COL11A1: variants seen among roughly 807,000 people sequenced by gnomAD.
The protein encoded by COL11A1 is collagen type XI alpha 1 chain.
COL11A1 carries 74 observed loss-of-function variants against 265.2 expected under a neutral mutation model. That is an observed-to-expected ratio of 0.28 (90% confidence interval 0.23 to 0.34). The LOEUF (loss-of-function observed/expected upper bound fraction) is 0.34, where lower values mean the gene tolerates loss of function less well. Ranked by LOEUF, COL11A1 falls within the 10% of genes least tolerant of loss-of-function variation. The pLI is 1.00. For synonymous variants in COL11A1, 816 were observed against 727.6 expected, an observed-to-expected ratio of 1.12 and a Z score of -1.96; for missense variants, 2,165 against 2,263.6, an observed-to-expected ratio of 0.96 and a Z score of 0.88.
At chr1:102,967,926 C>T (rs1331648300) in intron 37 of COL11A1, among the ~76,000 whole-genome samples, 2 of 152,136 alleles carry the variant, frequency 1.3e-5, no homozygotes, top group East Asian at 3.9e-4. Flanking sequence ...ACAACATAGA[C>T]TTGCACTCAT....
intron 54 of COL11A1, among the ~76,000 whole-genome samples, chr1:102,906,105 T>C (rs949536523): frequency 6.6e-6 from 1 of 152,080 alleles, no homozygotes; most frequent in Non-Finnish European, 1.5e-5. Context: ...ATCCACTGTT[T>C]GAGATTCTGA....
At position 103,037,142 on chromosome 1, in the gene COL11A1, T is replaced by TATATATA. The variant is rs1553242540; in HGVS notation, c.652-5899_652-5898insTATATAT. On this transcript the variant is annotated intron_variant, in intron 4 of 66. Coordinates refer to ENST00000370096, the MANE Select transcript of COL11A1 (RefSeq NM_001854.4). ...TACTTTGGTTTGCATATATATAATT[T>TATATATA]TATATATATATATATAAAGTCTATA... 3.1e-3 allele frequency among the ~76,000 whole-genome samples: 465 copies of TATATATA among 148,398 alleles called. 2 individuals carry two copies. Among genetic ancestry groups the TATATATA allele is most frequent in the African/African-American group, 0.01 (414 of 40,650 alleles).
intron 54 of COL11A1, among the ~76,000 whole-genome samples, chr1:102,903,325 T>C (rs1653474569): frequency 6.6e-6 from 1 of 152,208 alleles, no homozygotes; most frequent in Admixed American, 6.5e-5. Flanking sequence ...TACAACATTA[T>C]GATCAATATT....
At chr1:102,980,691 T>G (rs770428207) in intron 31 of COL11A1, among the ~76,000 whole-genome samples, 2 of 152,044 alleles carry the variant, frequency 1.3e-5, no homozygotes, top group Non-Finnish European at 2.9e-5. Flanking sequence ...GAAATACCCC[T>G]AAAAATAATG....
intron 1 of COL11A1, among the ~76,000 whole-genome samples, chr1:103,086,809 C>CT (rs35530457): frequency 0.016 from 2,435 of 149,366 alleles, 55 homozygotes; most frequent in African/African-American, 0.055. Context: ...TCAACCAAGC[C>CT]TTTTTTTTTT....
chr1:102,969,778 T>C (rs1303278264), intron 37 of COL11A1, among the ~76,000 whole-genome samples: 3 of 152,186 alleles, frequency 2.0e-5, no homozygotes, highest in Non-Finnish European at 2.9e-5. Context: ...TATCAGCAAG[T>C]ATTTAATCCC....
chr1:103,005,966 T>A (rs1665568975), intron 17 of COL11A1, 75 bp from the exon 18 acceptor site: 2 of 1,612,536 alleles, frequency 1.2e-6, no homozygotes, highest in East Asian at 4.5e-5. Flanking sequence ...GCAATTTAAA[T>A]GCGAAATATT....
At chr1:102,910,260 T>G (rs1432140749) in intron 54 of COL11A1, among the ~76,000 whole-genome samples, 1 of 152,058 alleles carries the variant, frequency 6.6e-6, no homozygotes, top group East Asian at 1.9e-4. Flanking sequence ...ATAATTCATG[T>G]GACCCACCAC....
chr1:102,894,065 CAAAT>C (rs1040720872), intron 57 of COL11A1, among the ~76,000 whole-genome samples: 34 of 152,200 alleles, frequency 2.2e-4, no homozygotes, highest in South Asian at 1.4e-3. Context: ...TGCATTAAAA[CAAAT>C]AGAGTCTTAA....
chr1:102,905,179 C>T (rs1394846065), intron 54 of COL11A1, among the ~76,000 whole-genome samples: 3 of 135,280 alleles, frequency 2.2e-5, no homozygotes, highest in Non-Finnish European at 3.0e-5. Flanking sequence ...ACAATGAGAA[C>T]ACATGGACAC....
chr1:102,885,908 A>G (rs1650909635), intron 63 of COL11A1, among the ~76,000 whole-genome samples: 1 of 152,170 alleles, frequency 6.6e-6, no homozygotes, highest in African/African-American at 2.4e-5. Context: ...TTAACAGGCT[A>G]TGCTTGATTA....
intron 42 of COL11A1, among the ~76,000 whole-genome samples, chr1:102,944,612 A>G (rs1383667800): frequency 1.3e-5 from 2 of 152,088 alleles, no homozygotes; most frequent in Non-Finnish European, 2.9e-5. Context: ...ATAATTTTTC[A>G]TCTGTCTCAC....
At chr1:102,910,557 T>C (rs1654533687) in intron 54 of COL11A1, among the ~76,000 whole-genome samples, 1 of 152,182 alleles carries the variant, frequency 6.6e-6, no homozygotes, top group Non-Finnish European at 1.5e-5. Flanking sequence ...TTTAATTTCC[T>C]TGCTTATATT....
intron 4 of COL11A1, among the ~76,000 whole-genome samples, chr1:103,059,838 G>T (rs888664119): frequency 1.3e-5 from 2 of 152,172 alleles, no homozygotes; most frequent in South Asian, 2.1e-4. Flanking sequence ...GAGAAAAAAA[G>T]CTGGGAAATA....
At chr1:103,080,950 G>A (rs1672366288) in intron 2 of COL11A1, among the ~76,000 whole-genome samples, 2 of 151,710 alleles carry the variant, frequency 1.3e-5, no homozygotes, top group Non-Finnish European at 3.0e-5. Context: ...AATATTTATT[G>A]CAATATTATT....
intron 4 of COL11A1, among the ~76,000 whole-genome samples, chr1:103,039,518 AAC>A (rs1668641642): frequency 6.6e-6 from 1 of 152,040 alleles, no homozygotes; most frequent in South Asian, 2.1e-4. Context: ...GTAAGACACA[AAC>A]ACACACAGAG....
intron 9 of COL11A1, among the ~76,000 whole-genome samples, chr1:103,019,911 C>T (rs577982208): frequency 3.3e-5 from 5 of 149,332 alleles, no homozygotes; most frequent in Non-Finnish European, 5.9e-5. Flanking sequence ...CTACAAAGGA[C>T]ATGAACTCAT....
At chr1:103,086,440 G>T (rs149671155) in intron 1 of COL11A1, among the ~76,000 whole-genome samples, 1 of 150,520 alleles carries the variant, frequency 6.6e-6, no homozygotes, top group African/African-American at 2.4e-5. Context: ...TTTTTGAGAC[G>T]GAGTCTTGCT....
chr1:102,904,617 T>C (rs1208354906), intron 54 of COL11A1, among the ~76,000 whole-genome samples: 5 of 151,602 alleles, frequency 3.3e-5, no homozygotes. Context: ...AAAAAACACA[T>C]GAAAAAATGC....
Sources: gnomAD v4.1 joint callset for allele counts (sites outside exome capture counted in the v4.1 genomes callset) on GRCh38, gnomAD v4.1.1 for gene constraint, MANE v1.5 for transcripts, NCBI Gene and HGNC (gene_info 2026-07-23, HGNC 2026-07-21) for gene names.